The following ARHGAP15 variants were observed in gnomAD, a reference collection of about 807,000 sequenced individuals.
The protein encoded by ARHGAP15 is rho GTPase-activating protein 15.
ARHGAP15 carries 51 observed loss-of-function variants against 63.7 expected under a neutral mutation model. The ratio of observed to expected loss-of-function variants is 0.80; its 90% CI spans 0.64 to 1.01. The LOEUF is 1.01. Among genes scored for constraint, ARHGAP15 ranks in the 50% least tolerant of loss-of-function variants. ARHGAP15 has a pLI of 0.00. For missense variants in ARHGAP15, 560 were observed against 564.6 expected (o/e 0.99, Z 0.08); for synonymous variants, 191 against 193.8 (o/e 0.99, Z 0.12).
intron 12 of ARHGAP15, among the ~76,000 whole-genome samples, chr2:143,656,436 G>A (rs1309116232): frequency 6.6e-6 from 1 of 152,186 alleles, no homozygotes; most frequent in Non-Finnish European, 1.5e-5. Context: ...AAAAGTAGAA[G>A]AGGTACCCTT....
intron 13 of ARHGAP15, among the ~76,000 whole-genome samples, chr2:143,714,778 T>C (rs1684734760): frequency 1.3e-5 from 2 of 152,210 alleles, no homozygotes; most frequent in South Asian, 2.1e-4. Flanking sequence ...AAGAGTCACC[T>C]TTGCTCCAGT....
intron 10 of ARHGAP15, among the ~76,000 whole-genome samples, chr2:143,529,292 T>C (rs1694421412): frequency 6.6e-6 from 1 of 152,144 alleles, no homozygotes; most frequent in Non-Finnish European, 1.5e-5. Flanking sequence ...CCAAGCCTCA[T>C]GAGCTCTACT....
intron 6 of ARHGAP15, among the ~76,000 whole-genome samples, chr2:143,432,812 C>A (rs1038454707): frequency 6.6e-6 from 1 of 151,976 alleles, no homozygotes; most frequent in African/African-American, 2.4e-5. Flanking sequence ...CTTCAAAATA[C>A]GACCTGGTGT....
intron 12 of ARHGAP15, among the ~76,000 whole-genome samples, chr2:143,651,037 C>T (rs1681136794): frequency 6.6e-6 from 1 of 151,946 alleles, no homozygotes; most frequent in Non-Finnish European, 1.5e-5. Flanking sequence ...CTGTCAATTA[C>T]TTATATCTTG....
intron 6 of ARHGAP15, among the ~76,000 whole-genome samples, chr2:143,297,947 T>C (rs1298562244): frequency 6.6e-6 from 1 of 152,066 alleles, no homozygotes; most frequent in African/African-American, 2.4e-5. Context: ...ACAAATGTTC[T>C]GTGTGATCTT....
intron 9 of ARHGAP15, among the ~76,000 whole-genome samples, chr2:143,501,174 T>A (rs1693037694): frequency 6.6e-6 from 1 of 152,204 alleles, no homozygotes; most frequent in Non-Finnish European, 1.5e-5. Flanking sequence ...AGATTCCGAA[T>A]ACTCTAAATT....
chr2:143,765,694 G>C (rs1407507012), intron 13 of ARHGAP15, among the ~76,000 whole-genome samples: 1 of 152,164 alleles, frequency 6.6e-6, no homozygotes, highest in East Asian at 1.9e-4. Context: ...GGATCGTATA[G>C]TCAGGTGGAA....
At chr2:143,532,913 C>T (rs1694581464) in intron 10 of ARHGAP15, among the ~76,000 whole-genome samples, 1 of 152,082 alleles carries the variant, frequency 6.6e-6, no homozygotes. Context: ...AATTAATTCC[C>T]CAAACTTCCG....
At chr2:143,239,678 T>G (rs1252700545) in intron 5 of ARHGAP15, among the ~76,000 whole-genome samples, 1 of 152,130 alleles carries the variant, frequency 6.6e-6, no homozygotes, top group Non-Finnish European at 1.5e-5. Context: ...ATCGAGACCC[T>G]GTCTCTACAA....
At chr2:143,525,958 A>G (rs1694253882) in intron 10 of ARHGAP15, among the ~76,000 whole-genome samples, 1 of 152,132 alleles carries the variant, frequency 6.6e-6, no homozygotes. Flanking sequence ...GAAAGAGAAG[A>G]CAAACTAGTG....
chr2:143,661,183 GC>G (rs1276784247), intron 12 of ARHGAP15, among the ~76,000 whole-genome samples: 3 of 152,216 alleles, frequency 2.0e-5, no homozygotes, highest in African/African-American at 7.2e-5. Context: ...ATCAGATCAG[GC>G]CCACCCCAAT....
At chr2:143,531,527 CA>C (rs1466517291) in intron 10 of ARHGAP15, among the ~76,000 whole-genome samples, 1 of 152,106 alleles carries the variant, frequency 6.6e-6, no homozygotes, top group African/African-American at 2.4e-5. Flanking sequence ...AACTTTTTTT[CA>C]GTTGTATCCA....
chr2:143,762,417 G>C (rs1293984215), intron 13 of ARHGAP15, among the ~76,000 whole-genome samples: 1 of 152,108 alleles, frequency 6.6e-6, no homozygotes, highest in Non-Finnish European at 1.5e-5. Context: ...TTACAACACA[G>C]TTAAGGAATT....
chr2:143,256,178 G>A (rs549765977), intron 6 of ARHGAP15, among the ~76,000 whole-genome samples: 13 of 152,256 alleles, frequency 8.5e-5, no homozygotes, highest in African/African-American at 3.1e-4. Flanking sequence ...CTACAAAGAA[G>A]TGATTTTAAT....
intron 13 of ARHGAP15, among the ~76,000 whole-genome samples, chr2:143,762,706 T>C (rs1405274222): frequency 1.3e-5 from 2 of 152,134 alleles, no homozygotes; most frequent in South Asian, 2.1e-4. Context: ...GCAAGGATTT[T>C]TTTTTTCTGC....
chr2:143,621,919 C>T (rs934718560), intron 11 of ARHGAP15, among the ~76,000 whole-genome samples: 3 of 152,090 alleles, frequency 2.0e-5, no homozygotes, highest in South Asian at 2.1e-4. Context: ...CTGCTGAACA[C>T]TTTCCTTTAG....
intron 6 of ARHGAP15, among the ~76,000 whole-genome samples, chr2:143,389,134 ATTT>A (rs869247380): frequency 4.8e-4 from 67 of 138,576 alleles, no homozygotes; most frequent in Admixed American, 9.7e-4. Flanking sequence ...TATTATTATT[ATTT>A]TTTATTATTA....
At chr2:143,560,670 C>T (rs1434155111) in intron 11 of ARHGAP15, among the ~76,000 whole-genome samples, 2 of 152,300 alleles carry the variant, frequency 1.3e-5, no homozygotes, top group East Asian at 1.9e-4. Context: ...TGAGTACTAC[C>T]GTTGGAGTTT....
rs560152213 is a variant in ARHGAP15 at position 143,401,159 on chromosome 2, C to T, written c.475-34442C>T. On this transcript the variant is annotated intron_variant, in intron 6 of 13. Transcript: ENST00000295095. ...ATTTACATATCCTATATAAGATATG[C>T]TGGAAAGCAGGATTAATAATTTCTT... 9.9e-5 allele frequency among the ~76,000 whole-genome samples: 15 copies of T among 152,004 alleles called. 1 individual carries two copies. The East Asian group carries it at 1.7e-3, about 18-fold the overall frequency.
Sources: gnomAD v4.1 joint callset for allele counts (sites outside exome capture counted in the v4.1 genomes callset) on GRCh38, gnomAD v4.1.1 for gene constraint, MANE v1.5 for transcripts, NCBI Gene and HGNC (gene_info 2026-07-23, HGNC 2026-07-21) for gene names.